The following COL11A1 variants were observed in gnomAD, a reference collection of about 807,000 sequenced individuals.
COL11A1 encodes the protein collagen type XI alpha 1 chain.
Under a neutral mutation model 265.2 loss-of-function variants are expected in COL11A1, and 74 were observed. The ratio of observed to expected loss-of-function variants is 0.28; its 90% confidence interval spans 0.23 to 0.34. COL11A1 has a LOEUF of 0.34. Among genes scored for constraint, COL11A1 ranks in the 10% least tolerant of loss-of-function variants. The probability of loss-of-function intolerance (pLI) is 1.00; values close to 1 mark genes in which losing one functional copy is unlikely to be tolerated. For missense variants in COL11A1, 2,165 were observed against 2,263.6 expected (o/e 0.96, Z 0.88); for synonymous variants, 816 against 727.6 (o/e 1.12, Z -1.96).
chr1:102,954,494 T>G (rs147551897), intron 41 of COL11A1, among the ~76,000 whole-genome samples: 3 of 152,274 alleles, frequency 2.0e-5, no homozygotes, highest in African/African-American at 7.2e-5. Context: ...ATAAAGTGCT[T>G]ACAAACCAGA....
chr1:102,900,614 G>A (rs1653065807), intron 54 of COL11A1, among the ~76,000 whole-genome samples: 1 of 151,978 alleles, frequency 6.6e-6, no homozygotes, highest in Non-Finnish European at 1.5e-5. Flanking sequence ...TCAATACATG[G>A]CTTTTAAAAA....
At position 102,996,849 on chromosome 1, in the gene COL11A1, T is replaced by C. The variant is rs1001979503; in HGVS notation, c.2241+231A>G. Among the ~76,000 whole-genome samples the C allele has an allele frequency of 3.3e-5, 5 of 152,040 alleles. No individual in the cohort carries two copies. In the East Asian group the frequency reaches 9.7e-4, roughly 29 times the overall value. ...TTATTATCATTTACTCCATATATAA[T>C]ACACATGAAAAATATGCACGTATTC... On this transcript the variant is annotated intron_variant, in intron 26 of 66. Transcript: ENST00000370096.
chr1:102,915,269 G>T (rs1432677336), intron 50 of COL11A1, among the ~76,000 whole-genome samples: 5 of 151,988 alleles, frequency 3.3e-5, no homozygotes, highest in Admixed American at 3.3e-4. Flanking sequence ...ATTTAATCGC[G>T]TTTTAAACTA....
Position 102,878,094 on chromosome 1 carries a change from A to G in COL11A1, c.5346T>C (p.Asp1782=). ...TPKIDQVPIV[D]VMINDFGDQN... ...GATCACCAAAGTCATTGATCATGAC[A>G]TCAACAATAGGTACTTGATCAATTT... Residue 1782 remains aspartate, a synonymous_variant, in exon 67 of 67, where the codon GAT becomes GAC. Coordinates refer to ENST00000370096, the MANE Select transcript of COL11A1 (RefSeq NM_001854.4). 6.2e-7 allele frequency: 1 copy of G among 1,613,556 alleles called. No individual in the cohort carries two copies. The highest frequency in any genetic ancestry group is 1.7e-5 in the Admixed American group (1 of 59,972).
intron 56 of COL11A1, 70 bp downstream of exon 56, chr1:102,898,596 C>G: frequency 5.7e-6 from 7 of 1,234,300 alleles, no homozygotes; most frequent in Non-Finnish European, 8.2e-6. Context: ...ACATAGACAC[C>G]TTCATTCAAA....
intron 9 of COL11A1, among the ~76,000 whole-genome samples, chr1:103,020,320 TG>T (rs1666929334): frequency 1.5e-5 from 2 of 136,852 alleles, no homozygotes; most frequent in Admixed American, 1.5e-4. Flanking sequence ...GGTTTTGATT[TG>T]CATTTCTCTG....
At position 103,031,110 on chromosome 1, in the gene COL11A1, C is replaced by A; in HGVS notation, c.780+6G>T. Reference sequence around the variant, plus strand: ...CGAAGACCTTCTCTGGTCTTGTGCTCCTCACCTCATCTATCTGAGGTTCCT... The same window carrying A: ...CGAAGACCTTCTCTGGTCTTGTGCTACTCACCTCATCTATCTGAGGTTCCT... On this transcript the variant is annotated splice_donor_region_variant and intron_variant, in intron 5 of 66. Coordinates refer to ENST00000370096, the MANE Select transcript of COL11A1 (RefSeq NM_001854.4). 1 of 1,613,312 alleles carries A rather than the reference C, an allele frequency of 6.2e-7. No homozygotes were observed. The highest frequency in any genetic ancestry group is 1.1e-5 in the South Asian group (1 of 91,056).
At position 103,071,315 on chromosome 1, in the gene COL11A1, A is replaced by G. The variant is rs1397637220; in HGVS notation, c.651+3303T>C. 5.9e-5 allele frequency among the ~76,000 whole-genome samples: 9 copies of G among 151,944 alleles called. No homozygotes were observed. The East Asian group carries it at 1.7e-3, about 29-fold the overall frequency. ...AGCAATGGCTATAACTTGCTATTTA[A>G]TAAGGAAATTTTCCTGTTTAAAAGA... On this transcript the variant is annotated intron_variant, in intron 4 of 66. Transcript: ENST00000370096.
intron 41 of COL11A1, among the ~76,000 whole-genome samples, chr1:102,949,055 A>C (rs895298545): frequency 3.2e-4 from 47 of 148,560 alleles, no homozygotes; most frequent in Admixed American, 3.0e-3. Flanking sequence ...GTGTCCCTTG[A>C]ATTACTAAAA....
chr1:102,935,674 A>G (rs976738607), intron 44 of COL11A1, among the ~76,000 whole-genome samples: 1 of 152,242 alleles, frequency 6.6e-6, no homozygotes, highest in Non-Finnish European at 1.5e-5. Flanking sequence ...TCTTACATGC[A>G]TAGATATTTC....
At chr1:103,037,267 T>C (rs1296400812) in intron 4 of COL11A1, among the ~76,000 whole-genome samples, 1 of 151,396 alleles carries the variant, frequency 6.6e-6, no homozygotes, top group Non-Finnish European at 1.5e-5. Context: ...TGTGTGTGTG[T>C]GTGTGTGTGT....
intron 3 of COL11A1, among the ~76,000 whole-genome samples, 192 bp downstream of exon 3, chr1:103,078,466 T>G (rs1441948219): frequency 6.6e-6 from 1 of 152,162 alleles, no homozygotes. Flanking sequence ...TACTTATTAG[T>G]AATTTATTTT....
intron 41 of COL11A1, among the ~76,000 whole-genome samples, chr1:102,951,180 G>T (rs1178193194): frequency 6.6e-6 from 1 of 152,114 alleles, no homozygotes; most frequent in Non-Finnish European, 1.5e-5. Context: ...AGAAGCATGA[G>T]ATCCTTCAAA....
At chr1:102,906,078 CAATGCTTAATA>C (rs527394400) in intron 54 of COL11A1, among the ~76,000 whole-genome samples, 3 of 152,246 alleles carry the variant, frequency 2.0e-5, no homozygotes, top group African/African-American at 7.2e-5. Context: ...AACCCTTATT[CAATGCTTAATA>C]ATAACATCCA....
At chr1:103,081,504 A>T (rs186820471) in intron 2 of COL11A1, among the ~76,000 whole-genome samples, 2 of 151,922 alleles carry the variant, frequency 1.3e-5, no homozygotes, top group African/African-American at 2.4e-5. Flanking sequence ...TCAGAAAAAA[A>T]GTTCATTTTA....
At position 103,059,693 on chromosome 1, in the gene COL11A1, A is replaced by T. The variant is rs1420262105; in HGVS notation, c.651+14925T>A. ...ATAACTGTAACAAAGAATCAAAAAT[A>T]AATGCTGTAGATAAAAAACACCATA... On this transcript the variant is annotated intron_variant, in intron 4 of 66. Transcript: ENST00000370096. 2.0e-5 allele frequency among the ~76,000 whole-genome samples: 3 copies of T among 152,180 alleles called. No homozygotes were observed. In the East Asian group the frequency reaches 5.8e-4, roughly 29 times the overall value.
chr1:102,927,138 A>AG (rs1172606880), intron 46 of COL11A1, among the ~76,000 whole-genome samples: 2 of 152,092 alleles, frequency 1.3e-5, no homozygotes, highest in Non-Finnish European at 2.9e-5. Context: ...TCATATTTAT[A>AG]AAAATAAAGA....
chr1:103,073,974 G>C (rs540441970), intron 4 of COL11A1, among the ~76,000 whole-genome samples: 2 of 152,042 alleles, frequency 1.3e-5, no homozygotes, highest in Non-Finnish European at 2.9e-5. Flanking sequence ...ATAATGTCTC[G>C]AGAGTGCATC....
intron 20 of COL11A1, 145 bp downstream of exon 20, chr1:103,004,299 A>AT: frequency 6.3e-6 from 4 of 637,720 alleles, no homozygotes; most frequent in Non-Finnish European, 1.1e-5. Flanking sequence ...ATCCTTTTTA[A>AT]TTTTTTTCGC....
Sources: allele counts gnomAD v4.1 joint callset (sites outside exome capture counted in the v4.1 genomes callset), GRCh38; gene constraint gnomAD v4.1.1; transcripts MANE v1.5; gene names NCBI Gene and HGNC (gene_info 2026-07-23, HGNC 2026-07-21).